Variants in PFKM observed in about 807,000 individuals in gnomAD.
PFKM encodes the protein phosphofructokinase, muscle, also known as ATP-dependent 6-phosphofructokinase, muscle type.
Under a neutral mutation model 95.5 loss-of-function variants are expected in PFKM, and 58 were observed. The observed-to-expected ratio is 0.61, with a 90% CI of 0.49 to 0.76. The LOEUF (loss-of-function observed/expected upper bound fraction) is 0.76, where lower values mean the gene tolerates loss of function less well. PFKM is among the 30% of genes least tolerant of loss of function. The pLI is 0.00. For synonymous variants in PFKM, 336 were observed against 357.2 expected, an observed-to-expected ratio of 0.94 and a Z score of 0.67; for missense variants, 678 against 1,005.4, an observed-to-expected ratio of 0.67 and a Z score of 4.40.
upstream of PFKM, among the ~76,000 whole-genome samples, chr12:48,115,506 A>G (rs1431527384): frequency 6.6e-6 from 1 of 152,260 alleles, no homozygotes; most frequent in Non-Finnish European, 1.5e-5. Context: ...GGGGGAGATT[A>G]CAAAGTACAT....
At chr12:48,107,246 T>A (rs1406508054) in intron 1 of PFKM, 1 of 678,296 alleles carries the variant, frequency 1.5e-6, no homozygotes, top group Non-Finnish European at 2.6e-6. Flanking sequence ...CTGATACTTT[T>A]ATATTATATT....
At chr12:48,135,922 A>AGT (rs1272447628) in intron 10 of PFKM, among the ~76,000 whole-genome samples, 7,320 of 150,992 alleles carry the variant, frequency 0.048, 497 homozygotes, top group African/African-American at 0.15. Flanking sequence ...GCACCATTGC[A>AGT]CTCGCTCCCA....
rs1951009885 is a variant in PFKM at position 48,145,943 on chromosome 12, G to A, written c.*235G>A. ...AGCTTTATCTGTCACACAAGGCTGG[G>A]CACCTCTAGTGCTACTGCTAGATAT... On this transcript the variant is annotated 3_prime_UTR_variant, in exon 23 of 23. Transcript: ENST00000359794. The surrounding 1 kb of genome is among the most constrained non-coding windows in gnomAD (Gnocchi z 4.3). The A allele has an allele frequency of 1.8e-6, 1 of 563,032 alleles. No individual in the cohort carries two copies. The highest frequency in any genetic ancestry group is 3.2e-6 in the Non-Finnish European group (1 of 313,994). 34.9% of individuals were successfully genotyped at this position (563,032 alleles called of 1,614,324 possible).
At chr12:48,107,386 G>C (rs190392934) in exon 2 of PFKM, 4 of 1,597,626 alleles carry the variant, frequency 2.5e-6, no homozygotes, top group Non-Finnish European at 3.4e-6. Flanking sequence ...GCATAAAGAC[G>C]AGTTTCATCT....
At chr12:48,121,185 G>A (rs1948221099) in intron 1 of PFKM, among the ~76,000 whole-genome samples, 1 of 152,192 alleles carries the variant, frequency 6.6e-6, no homozygotes, top group South Asian at 2.1e-4. Context: ...ACTATCACTG[G>A]TCTTAAATGA....
intron 11 of PFKM, among the ~76,000 whole-genome samples, chr12:48,139,041 A>G (rs77917152): frequency 6.6e-6 from 1 of 150,656 alleles, no homozygotes; most frequent in Non-Finnish European, 1.5e-5. Context: ...ACTCCGTCTC[A>G]AAAAAAAAAT....
intron 2 of PFKM, among the ~76,000 whole-genome samples, chr12:48,126,362 A>G (rs1948834271): frequency 6.6e-6 from 1 of 152,234 alleles, no homozygotes; most frequent in Non-Finnish European, 1.5e-5. Context: ...TTTGAGGCAT[A>G]GGTACCAGGT....
intron 14 of PFKM, among the ~76,000 whole-genome samples, chr12:48,141,095 T>C (rs1383755262): frequency 1.3e-5 from 2 of 152,178 alleles, no homozygotes; most frequent in Non-Finnish European, 2.9e-5. Flanking sequence ...GTCCCAAAGC[T>C]CAGCACAGTG....
At chr12:48,136,692 C>CT (rs1166389532) in intron 10 of PFKM, among the ~76,000 whole-genome samples, 8,131 of 63,068 alleles carry the variant, frequency 0.13, 832 homozygotes, top group African/African-American at 0.26. Flanking sequence ...GGGGTCGTCA[C>CT]TTTTTTTTTT....
chr12:48,130,099 C>T (rs922281315), intron 2 of PFKM, among the ~76,000 whole-genome samples: 11 of 152,120 alleles, frequency 7.2e-5, no homozygotes, highest in Non-Finnish European at 1.0e-4. Flanking sequence ...ATGGTCCTAT[C>T]AAGGAAAGGT....
At chr12:48,106,402 T>A (rs1946614601) in intron 1 of PFKM, 11 of 467,194 alleles carry the variant, frequency 2.4e-5, no homozygotes, top group Middle Eastern at 5.5e-4. Flanking sequence ...TTTGCTTGCT[T>A]GCGTTCCAGT....
Position 48,142,010 on chromosome 12 carries a change from G to A in PFKM, c.1597G>A (p.Val533Ile), listed in dbSNP as rs759216814. 3 of 1,614,060 alleles carry A rather than the reference G, an allele frequency of 1.9e-6. No homozygotes were observed. Among genetic ancestry groups the A allele is most frequent in the Non-Finnish European group, 2.5e-6 (3 of 1,180,030 alleles). Residue 533 changes from valine (V) to isoleucine (I), a missense_variant, in exon 17 of 23, where the codon GTC becomes ATC. Transcript: ENST00000359794. Reference sequence around the variant, plus strand: ...CATTCCTGCTACAGTCTCCAACAATGTCCCTGGCTCAGACTTCAGCGTTGG... The same window carrying A: ...CATTCCTGCTACAGTCTCCAACAATATCCCTGGCTCAGACTTCAGCGTTGG... ...VVIPATVSNN[V>I]PGSDFSVGAD...
intron 12 of PFKM, 22 bp from the exon 13 acceptor site, chr12:48,139,827 T>TTA (rs1477112989): frequency 6.5e-7 from 1 of 1,548,654 alleles, no homozygotes; most frequent in Non-Finnish European, 8.9e-7. Flanking sequence ...AAGACACCTC[T>TTA]CTCTATTTGT....
Position 48,130,529 on chromosome 12 carries a change from C to T in PFKM, c.159+93C>T, listed in dbSNP as rs1949370578. ...TCCCACATTCTGTGTCCTTACCTCC[C>T]AGTTAGTTACATTGCTGTGTTTGAT... On this transcript the variant is annotated intron_variant, in intron 3 of 22. Transcript: ENST00000359794. The T allele has an allele frequency of 6.6e-6, 6 of 915,232 alleles. No homozygotes were observed. In the Admixed American group the frequency reaches 8.5e-5, roughly 13 times the overall value. 56.7% of individuals were successfully genotyped at this position (915,232 alleles called of 1,614,324 possible).
intron 2 of PFKM, 56 bp from the exon 3 acceptor site, chr12:48,130,307 A>G: frequency 9.2e-7 from 1 of 1,082,892 alleles, no homozygotes; most frequent in East Asian, 2.4e-5. Flanking sequence ...TCTGGATTCC[A>G]GGGCGCCTTT....
At chr12:48,142,349 T>C (rs990801575) in intron 17 of PFKM, 1 of 458,986 alleles carries the variant, frequency 2.2e-6, no homozygotes, top group Non-Finnish European at 4.0e-6. Flanking sequence ...GGTAGGCGCC[T>C]GTAATCCCAG....
At chr12:48,141,891 C>T (rs141816673) in intron 16 of PFKM, 23 bp from the exon 17 acceptor site, 2 of 1,614,036 alleles carry the variant, frequency 1.2e-6, no homozygotes, top group African/African-American at 1.3e-5. Context: ...CCCAATCCTG[C>T]CCTTGTGCTC....
intron 5 of PFKM, 62 bp from the exon 6 acceptor site, chr12:48,133,253 T>A: frequency 7.0e-7 from 1 of 1,437,910 alleles, no homozygotes; most frequent in Non-Finnish European, 9.8e-7. Context: ...TCTCTAGATA[T>A]CTCCTCTTTA....
intron 6 of PFKM, among the ~76,000 whole-genome samples, 195 bp from the exon 7 acceptor site, chr12:48,134,037 G>A (rs1949799257): frequency 6.6e-6 from 1 of 152,204 alleles, no homozygotes; most frequent in South Asian, 2.1e-4. Flanking sequence ...TTTTACTGCT[G>A]TGTTTTCTCA....
Sources: allele counts gnomAD v4.1 joint callset (sites outside exome capture counted in the v4.1 genomes callset), GRCh38; gene constraint gnomAD v4.1.1; non-coding constraint Gnocchi (gnomAD v3.1); transcripts MANE v1.5; gene names NCBI Gene and HGNC (gene_info 2026-07-23, HGNC 2026-07-21).